Variants in NKAIN1 observed in about 807,000 individuals in gnomAD.
The protein encoded by NKAIN1 is sodium/potassium-transporting ATPase subunit beta-1-interacting protein 1.
NKAIN1 carries 13 observed loss-of-function variants against 31.6 expected under a neutral mutation model. That is an observed-to-expected ratio of 0.41 (90% CI 0.27 to 0.65). The LOEUF (loss-of-function observed/expected upper bound fraction) is 0.65, where lower values mean the gene tolerates loss of function less well. Among genes scored for constraint, NKAIN1 ranks in the 30% least tolerant of loss-of-function variants. NKAIN1 has a pLI of 0.30. For missense variants in NKAIN1, 193 were observed against 262.2 expected (o/e 0.74, Z 1.82); for synonymous variants, 104 against 109.0 (o/e 0.95, Z 0.28).
chr1:31,194,195 C>T (rs1286873369), intron 1 of NKAIN1, among the ~76,000 whole-genome samples: 2 of 152,122 alleles, frequency 1.3e-5, no homozygotes, highest in Admixed American at 6.6e-5. Flanking sequence ...GAATGAGCCC[C>T]CTGACTGTAA....
chr1:31,207,552 C>T (rs1315181935), intron 1 of NKAIN1, among the ~76,000 whole-genome samples: 1 of 152,124 alleles, frequency 6.6e-6, no homozygotes, highest in Non-Finnish European at 1.5e-5. Flanking sequence ...GGTGGTATTT[C>T]ACCCCACTCA....
chr1:31,191,107 A>G (rs532187205), intron 1 of NKAIN1, among the ~76,000 whole-genome samples: 8 of 152,260 alleles, frequency 5.3e-5, no homozygotes, highest in African/African-American at 1.9e-4. Flanking sequence ...CCTGGCCAAC[A>G]TGGTGAAACT....
In NKAIN1 at chr1:31,181,588, C is replaced by G; in HGVS notation, c.*115G>C. 1 of 993,806 alleles carries G rather than the reference C, an allele frequency of 1.0e-6. No homozygotes were observed. Among genetic ancestry groups the G allele is most frequent in the Non-Finnish European group, 1.4e-6 (1 of 732,588 alleles). 61.6% of individuals were successfully genotyped at this position (993,806 alleles called of 1,614,324 possible). The stretch of plus-strand genomic sequence containing the variant: ...CTCCAGATGCAGACGCGGGGTTGGG[C>G]ACAGGCTGCAGTGAGCGCGCGGGCC... On this transcript the variant is annotated 3_prime_UTR_variant, in exon 7 of 7. Coordinates refer to ENST00000373736, the MANE Select transcript of NKAIN1 (RefSeq NM_024522.3).
intron 1 of NKAIN1, among the ~76,000 whole-genome samples, chr1:31,223,608 C>T (rs1297048592): frequency 6.6e-6 from 1 of 152,052 alleles, no homozygotes; most frequent in African/African-American, 2.4e-5. Flanking sequence ...CCACACCCAG[C>T]TAATGTTTTG....
At chr1:31,201,739 G>A (rs186086700) in intron 1 of NKAIN1, among the ~76,000 whole-genome samples, 34 of 152,310 alleles carry the variant, frequency 2.2e-4, no homozygotes, top group African/African-American at 7.5e-4. Context: ...CAGAACGGCT[G>A]ACTCCAACCA....
chr1:31,208,125 T>A (rs1022388566), intron 1 of NKAIN1, among the ~76,000 whole-genome samples: 5 of 152,252 alleles, frequency 3.3e-5, no homozygotes, highest in African/African-American at 1.2e-4. Context: ...ATGGCTGAGA[T>A]GTGTTCTGTT....
intron 1 of NKAIN1, among the ~76,000 whole-genome samples, chr1:31,215,727 T>A (rs562786092): frequency 4.6e-4 from 70 of 152,118 alleles, no homozygotes; most frequent in Non-Finnish European, 9.0e-4. Context: ...CTGGGGCCTG[T>A]TACCGCTGGA....
intron 1 of NKAIN1, among the ~76,000 whole-genome samples, chr1:31,219,394 C>G (rs531571005): frequency 2.0e-5 from 3 of 152,374 alleles, no homozygotes; most frequent in African/African-American, 7.2e-5. Context: ...ACACTGGCAG[C>G]GCAGGCTGTC....
At chr1:31,182,292 G>T (rs1645208805) in intron 5 of NKAIN1, among the ~76,000 whole-genome samples, 1 of 152,174 alleles carries the variant, frequency 6.6e-6, no homozygotes, top group African/African-American at 2.4e-5. Flanking sequence ...CCTCTGATGG[G>T]GTGGGGCGAG....
At chr1:31,195,734 C>G (rs1211376323) in intron 1 of NKAIN1, among the ~76,000 whole-genome samples, 3 of 151,702 alleles carry the variant, frequency 2.0e-5, no homozygotes, top group African/African-American at 7.3e-5. Flanking sequence ...CCAGCCTGGG[C>G]AACATGGCAT....
At chr1:31,186,449 G>T (rs1428844280) in intron 2 of NKAIN1, among the ~76,000 whole-genome samples, 1 of 148,428 alleles carries the variant, frequency 6.7e-6, no homozygotes, top group Non-Finnish European at 1.5e-5. Context: ...ACCCAGGCTG[G>T]AGGGCAGTGG....
At chr1:31,201,954 T>G (rs1645383544) in intron 1 of NKAIN1, among the ~76,000 whole-genome samples, 1 of 152,198 alleles carries the variant, frequency 6.6e-6, no homozygotes, top group South Asian at 2.1e-4. Flanking sequence ...GCCATCTGCC[T>G]GTCTGCACGC....
Position 31,181,598 on chromosome 1 carries a change from A to G in NKAIN1, c.*105T>C, listed in dbSNP as rs1645198225. 2.6e-6 allele frequency: 3 copies of G among 1,136,614 alleles called. No homozygotes were observed. The highest frequency in any genetic ancestry group is 3.6e-6 in the Non-Finnish European group (3 of 844,522). The allele number at this position is 1,136,614 out of a possible 1,614,324, so 70.4% of individuals were successfully genotyped here. A position where few individuals can be genotyped will look rare whatever the true frequency, so the allele number is the denominator to read the frequency against. On this transcript the variant is annotated 3_prime_UTR_variant, in exon 7 of 7. Transcript: ENST00000373736. ...AGACGCGGGGTTGGGCACAGGCTGC[A>G]GTGAGCGCGCGGGCCACCAGGGGGA...
intron 1 of NKAIN1, among the ~76,000 whole-genome samples, chr1:31,214,285 G>C (rs987641201): frequency 1.3e-5 from 2 of 151,968 alleles, no homozygotes; most frequent in African/African-American, 4.8e-5. Flanking sequence ...TGGCAAGGGG[G>C]AGTGGGGAGT....
intron 1 of NKAIN1, among the ~76,000 whole-genome samples, chr1:31,199,430 C>T (rs1346650037): frequency 6.6e-6 from 1 of 152,148 alleles, no homozygotes; most frequent in Non-Finnish European, 1.5e-5. Flanking sequence ...CCCCCCTTTT[C>T]CCAATGGATT....
Position 31,239,579 on chromosome 1 carries a change from G to A in NKAIN1, c.-32C>T. On this transcript the variant is annotated 5_prime_UTR_variant, in exon 1 of 7. Coordinates refer to ENST00000373736, the MANE Select transcript of NKAIN1 (RefSeq NM_024522.3). The surrounding 1 kb of genome is among the most constrained non-coding windows in gnomAD (Gnocchi z 4.8). ...GGGGGCTGCGCGGGCCGCACGCCGC[G>A]GCGCCCTTCTTGCTCCGCGGCCGCC... 2.5e-6 allele frequency: 3 copies of A among 1,198,386 alleles called. No individual in the cohort carries two copies. The East Asian group carries it at 1.0e-4, about 41-fold the overall frequency. 74.2% of individuals were successfully genotyped at this position (1,198,386 alleles called of 1,614,324 possible).
intron 1 of NKAIN1, among the ~76,000 whole-genome samples, chr1:31,191,245 C>T (rs994573719): frequency 5.3e-5 from 8 of 150,820 alleles, no homozygotes; most frequent in East Asian, 2.0e-4. Flanking sequence ...GAGCCAAGAT[C>T]GCGCCACTGT....
In NKAIN1 at chr1:31,207,933, G is replaced by A. The variant is rs182088760; in HGVS notation, c.55-19746C>T. 4.8e-4 allele frequency among the ~76,000 whole-genome samples: 73 copies of A among 152,146 alleles called. No homozygotes were observed. In the East Asian group the frequency reaches 0.011, roughly 24 times the overall value. ...ATCCCAGGTTACACAGTCAGGAAGC[G>A]GTAGAGGCAGGAACACAGATCTGCA... On this transcript the variant is annotated intron_variant, in intron 1 of 6. Coordinates refer to ENST00000373736, the MANE Select transcript of NKAIN1 (RefSeq NM_024522.3).
intron 1 of NKAIN1, among the ~76,000 whole-genome samples, chr1:31,212,078 AG>A (rs1278144742): frequency 3.7e-4 from 57 of 152,306 alleles, no homozygotes; most frequent in African/African-American, 1.3e-3. Context: ...ACAGTTATCA[AG>A]ACAGTGTGGT....
Sources: allele counts gnomAD v4.1 joint callset (sites outside exome capture counted in the v4.1 genomes callset), GRCh38; gene constraint gnomAD v4.1.1; non-coding constraint Gnocchi (gnomAD v3.1); transcripts MANE v1.5; gene names NCBI Gene and HGNC (gene_info 2026-07-23, HGNC 2026-07-21).